The following PTDSS2 variants were observed in gnomAD, a reference collection of about 807,000 sequenced individuals.
PTDSS2 encodes the protein PSS-2.
PTDSS2 carries 41 observed loss-of-function variants against 64.7 expected under a neutral mutation model. The observed-to-expected ratio is 0.63, with a 90% confidence interval of 0.49 to 0.82. The LOEUF is 0.82. PTDSS2 is among the 40% of genes least tolerant of loss of function. The pLI is 0.00. For synonymous variants in PTDSS2, 297 were observed against 277.8 expected (o/e 1.07, Z -0.69); for missense variants, 485 against 650.0 (o/e 0.75, Z 2.76).
intron 4 of PTDSS2, among the ~76,000 whole-genome samples, chr11:486,659 G>A (rs550647919): frequency 3.3e-5 from 5 of 152,160 alleles, no homozygotes; most frequent in South Asian, 4.1e-4. Flanking sequence ...TGGCTAGCAC[G>A]GTGAAACCCC....
At chr11:472,601 C>T (rs933750022) in intron 2 of PTDSS2, among the ~76,000 whole-genome samples, 1 of 152,168 alleles carries the variant, frequency 6.6e-6, no homozygotes, top group Non-Finnish European at 1.5e-5. Flanking sequence ...CCCGGCTGCA[C>T]CAGGGGCCAG....
At chr11:464,428 C>T (rs1847049917) in intron 2 of PTDSS2, among the ~76,000 whole-genome samples, 2 of 152,032 alleles carry the variant, frequency 1.3e-5, no homozygotes, top group Non-Finnish European at 2.9e-5. Flanking sequence ...TTCACTGTTC[C>T]CTGCGCTCAG....
chr11:478,712 C>T (rs1029060803), intron 3 of PTDSS2, among the ~76,000 whole-genome samples: 1 of 152,066 alleles, frequency 6.6e-6, no homozygotes, highest in African/African-American at 2.4e-5. Flanking sequence ...CACTGCACTC[C>T]AGCCTGGGCG....
At chr11:487,952 GC>G (rs761078009) in intron 6 of PTDSS2, among the ~76,000 whole-genome samples, 123 of 152,356 alleles carry the variant, frequency 8.1e-4, no homozygotes, top group Middle Eastern at 6.8e-3. Context: ...CCCTGCCAGT[GC>G]TGTCGACTCC....
intron 4 of PTDSS2, among the ~76,000 whole-genome samples, chr11:485,554 GGCGC>G (rs1371314041): frequency 1.1e-5 from 1 of 87,238 alleles, no homozygotes; most frequent in Non-Finnish European, 2.3e-5. Flanking sequence ...ACAGTGCACG[GGCGC>G]GTGTGCTCAC....
chr11:466,586 T>G (rs1164950424), intron 2 of PTDSS2, among the ~76,000 whole-genome samples: 4 of 151,982 alleles, frequency 2.6e-5, no homozygotes, highest in Non-Finnish European at 5.9e-5. Context: ...TTTTGTATTT[T>G]TTAATAGAGA....
intron 1 of PTDSS2, among the ~76,000 whole-genome samples, chr11:457,372 G>A (rs906597364): frequency 6.6e-6 from 1 of 152,252 alleles, no homozygotes; most frequent in Non-Finnish European, 1.5e-5. Flanking sequence ...AGTCGTGTGT[G>A]GGTGACAGCA....
rs998093904 is a variant in PTDSS2 at position 490,803 on chromosome 11, T to C, written c.*221T>C. On this transcript the variant is annotated 3_prime_UTR_variant, in exon 12 of 12. Transcript: ENST00000308020. The stretch of plus-strand genomic sequence containing the variant: ...ACGTGTGTATGCGTGTGTGTACGCG[T>C]GTGTACGCGCGTGTGTACACATGCG... 60 of 577,576 alleles carry C rather than the reference T, an allele frequency of 1.0e-4. No individual in the cohort carries two copies. The highest frequency in any genetic ancestry group is 4.8e-4 in the African/African-American group (25 of 51,830). 35.8% of individuals were successfully genotyped at this position (577,576 alleles called of 1,614,324 possible).
At chr11:473,840 T>G in intron 2 of PTDSS2, 55 bp from the exon 3 acceptor site, 1 of 1,374,666 alleles carries the variant, frequency 7.3e-7, no homozygotes. Flanking sequence ...GCCTCCCACC[T>G]CCCTCCTGGG....
rs374000356 is a variant in PTDSS2, at chr11:453,397, C to T, written c.182+2760C>T. On this transcript the variant is annotated intron_variant, in intron 1 of 11. Transcript: ENST00000308020. ...TCTGTGGGAGACGCTGAAGCAGCTT[C>T]GGATGACCACACTTGCTAACCAGTT... 7.2e-4 allele frequency among the ~76,000 whole-genome samples: 109 copies of T among 152,292 alleles called. 2 individuals carry two copies. Among genetic ancestry groups the T allele is most frequent in the African/African-American group, 2.5e-3 (102 of 41,552 alleles).
chr11:459,931 G>A (rs892623157), intron 1 of PTDSS2: 7 of 495,326 alleles, frequency 1.4e-5, no homozygotes, highest in African/African-American at 5.8e-5. Context: ...TCTGAGCAGC[G>A]GCCTTCAGCT....
chr11:481,033 G>A (rs1321454696), intron 4 of PTDSS2, among the ~76,000 whole-genome samples: 8 of 150,796 alleles, frequency 5.3e-5, no homozygotes, highest in South Asian at 4.2e-4. Context: ...GCAGTGAGCC[G>A]AGATCACGCC....
In PTDSS2 at chr11:490,811, C is replaced by CGTGTGTACGTGCGTACGCGTGTGTACGT. The variant is rs149316958; in HGVS notation, c.*230_*231insTGTGTACGTGCGTACGCGTGTGTACGTG. 3 of 581,158 alleles carry CGTGTGTACGTGCGTACGCGTGTGTACGT rather than the reference C, an allele frequency of 5.2e-6. No homozygotes were observed. The highest frequency in any genetic ancestry group is 1.9e-5 in the African/African-American group (1 of 53,370). The allele number at this position is 581,158 out of a possible 1,614,324, so 36.0% of individuals were successfully genotyped here. A position where few individuals can be genotyped will look rare whatever the true frequency, so the allele number is the denominator to read the frequency against. On this transcript the variant is annotated 3_prime_UTR_variant, in exon 12 of 12. Transcript: ENST00000308020. ...ATGCGTGTGTGTACGCGTGTGTACGCGCGTGTGTACACATGCGTGGCCGCC... is the reference window on the plus strand; with the variant it reads ...ATGCGTGTGTGTACGCGTGTGTACGCGTGTGTACGTGCGTACGCGTGTGTACGTGCGTGTGTACACATGCGTGGCCGCC...
At position 476,469 on chromosome 11, in the gene PTDSS2, C is replaced by A. The variant is rs571561641; in HGVS notation, c.367+2492C>A. On this transcript the variant is annotated intron_variant, in intron 3 of 11. Coordinates refer to ENST00000308020, the MANE Select transcript of PTDSS2 (RefSeq NM_030783.3). The surrounding 1 kb of genome is among the most constrained non-coding windows in gnomAD (Gnocchi z 4.9). ...GAGGGAAGAAAAGCTGCCGGAAGCT[C>A]AACCCATGGCCGTCCTTGCTTGGAG... 1.3e-4 allele frequency among the ~76,000 whole-genome samples: 20 copies of A among 152,304 alleles called. No individual in the cohort carries two copies. The South Asian group carries it at 4.1e-3, about 32-fold the overall frequency.
intron 3 of PTDSS2, among the ~76,000 whole-genome samples, chr11:475,969 C>A (rs886379337): frequency 1.3e-5 from 2 of 152,196 alleles, no homozygotes; most frequent in Non-Finnish European, 2.9e-5. Context: ...CAGTTTAAGC[C>A]TGTGATATGT....
rs201248188 is a variant in PTDSS2, at chr11:467,366, C to CA, written c.285-6527dup. ...CTAAAACCTTAAAAACCGACAGTAC[C>CA]AACGCTTCCAGGAACTCTCACCCAT... On this transcript the variant is annotated intron_variant, in intron 2 of 11. Coordinates refer to ENST00000308020, the MANE Select transcript of PTDSS2 (RefSeq NM_030783.3). 8.0e-3 allele frequency among the ~76,000 whole-genome samples: 1,218 copies of CA among 152,300 alleles called. 21 individuals are homozygous for CA. Among genetic ancestry groups the CA allele is most frequent in the African/African-American group, 0.028 (1,170 of 41,564 alleles).
chr11:453,009 G>A (rs1364252278), intron 1 of PTDSS2, among the ~76,000 whole-genome samples: 7 of 152,062 alleles, frequency 4.6e-5, no homozygotes, highest in Admixed American at 4.6e-4. Context: ...GAGATTACAG[G>A]CATGCACCAC....
chr11:473,545 G>A (rs1327303613), intron 2 of PTDSS2, among the ~76,000 whole-genome samples: 2 of 152,266 alleles, frequency 1.3e-5, no homozygotes, highest in Non-Finnish European at 2.9e-5. Flanking sequence ...CACTGGGCGG[G>A]CTGCAAATGT....
intron 6 of PTDSS2, among the ~76,000 whole-genome samples, chr11:487,996 G>C (rs1057367905): frequency 6.7e-6 from 1 of 148,894 alleles, no homozygotes; most frequent in African/African-American, 2.5e-5. Flanking sequence ...GGGGCTGCAC[G>C]CACCCGTGGG....
Sources: gnomAD v4.1 joint callset for allele counts (sites outside exome capture counted in the v4.1 genomes callset) on GRCh38, gnomAD v4.1.1 for gene constraint, Gnocchi (gnomAD v3.1) non-coding constraint, MANE v1.5 for transcripts, NCBI Gene and HGNC (gene_info 2026-07-23, HGNC 2026-07-21) for gene names.